The following MON2 variants were observed in gnomAD, a reference collection of about 807,000 sequenced individuals.
MON2 encodes the protein MON2 regulator of endosome-to-Golgi trafficking.
MON2 carries 84 observed loss-of-function variants against 208.6 expected under a neutral mutation model. The observed-to-expected ratio is 0.40, with a 90% CI of 0.34 to 0.48. The LOEUF is 0.48. MON2 is among the 20% of genes least tolerant of loss of function. The pLI is 0.59. For synonymous variants in MON2, 660 were observed against 694.0 expected (o/e 0.95, Z 0.77); for missense variants, 1,611 against 2,015.4 (o/e 0.80, Z 3.84).
At position 62,569,985 on chromosome 12, in the gene MON2, G is replaced by A. The variant is rs1312602927; in HGVS notation, c.4324-1407G>A. On this transcript the variant is annotated intron_variant, in intron 29 of 34. Transcript: ENST00000393630. The stretch of plus-strand genomic sequence containing the variant: ...TCTACTTTTAGACCCAAATTTTTAC[G>A]TAACAGCAGAATTTTTACTCTAATG... Among the ~76,000 whole-genome samples the A allele has an allele frequency of 3.9e-5, 6 of 152,098 alleles. No individual in the cohort carries two copies. In the East Asian group the frequency reaches 7.7e-4, roughly 19 times the overall value.
At chr12:62,521,380 A>G (rs973477029) in intron 8 of MON2, among the ~76,000 whole-genome samples, 2 of 152,182 alleles carry the variant, frequency 1.3e-5, no homozygotes, top group African/African-American at 2.4e-5. Flanking sequence ...GAATCCAATG[A>G]CACTAGTACA....
chr12:62,547,228 A>G (rs989540452), intron 22 of MON2, among the ~76,000 whole-genome samples, 156 bp downstream of exon 22: 1 of 152,210 alleles, frequency 6.6e-6, no homozygotes, highest in Non-Finnish European at 1.5e-5. Context: ...TTCCTGCTTA[A>G]GGCTAAGATC....
At chr12:62,470,638 C>A in intron 1 of MON2, 2 of 748,570 alleles carry the variant, frequency 2.7e-6, no homozygotes, top group Non-Finnish European at 3.4e-6. Context: ...AGGAAGACAA[C>A]TCTGAAGCTT....
Position 62,554,961 on chromosome 12 carries a change from A to AT in MON2, c.3211-1025dup, listed in dbSNP as rs1477183344. Among the ~76,000 whole-genome samples the AT allele has an allele frequency of 1.0e-3, 154 of 151,054 alleles. 2 individuals are homozygous for AT. The Middle Eastern group carries it at 0.021, about 20-fold the overall frequency. ...ACGCGCCCGCCACCACACCCGGCTA[A>AT]TTTTTTTTGTATTTTTAGTAGAGAC... On this transcript the variant is annotated intron_variant, in intron 24 of 34. Coordinates refer to ENST00000393630, the MANE Select transcript of MON2 (RefSeq NM_015026.3).
intron 11 of MON2, among the ~76,000 whole-genome samples, chr12:62,528,205 A>G (rs1370378890): frequency 2.6e-5 from 4 of 152,152 alleles, no homozygotes; most frequent in Non-Finnish European, 5.9e-5. Context: ...TTGAATTGGC[A>G]TCTTTTATTC....
intron 11 of MON2, among the ~76,000 whole-genome samples, chr12:62,527,405 CTGAAATATTTTAAGTTCAT>C (rs995780829): frequency 6.6e-6 from 1 of 152,118 alleles, no homozygotes; most frequent in Non-Finnish European, 1.5e-5. Flanking sequence ...TCATAGAAGA[CTGAAATATTTTAAGTTCAT>C]TGTTATTTTT....
At chr12:62,538,035 G>C in intron 16 of MON2, 61 bp from the exon 17 acceptor site, 1 of 1,444,556 alleles carries the variant, frequency 6.9e-7, no homozygotes, top group East Asian at 2.4e-5. Context: ...TTTAATTTTA[G>C]TTATTGGACC....
chr12:62,474,408 G>A (rs1046828959), intron 1 of MON2, among the ~76,000 whole-genome samples: 5 of 151,792 alleles, frequency 3.3e-5, no homozygotes, highest in African/African-American at 1.2e-4. Flanking sequence ...GTGAGCCACT[G>A]CGCCTGGCCT....
chr12:62,478,141 G>A (rs2069196820), intron 1 of MON2, among the ~76,000 whole-genome samples: 1 of 152,022 alleles, frequency 6.6e-6, no homozygotes, highest in South Asian at 2.1e-4. Flanking sequence ...GTGTGTGTGT[G>A]TGTGTATAAA....
intron 32 of MON2, among the ~76,000 whole-genome samples, chr12:62,583,975 C>CAAA (rs942616967): frequency 1.7e-5 from 2 of 119,322 alleles, no homozygotes; most frequent in African/African-American, 6.2e-5. Context: ...AAAAAAAAAA[C>CAAA]AAAAAAAAAA....
intron 20 of MON2, among the ~76,000 whole-genome samples, chr12:62,543,701 A>G (rs992767385): frequency 6.6e-6 from 1 of 151,712 alleles, no homozygotes; most frequent in African/African-American, 2.4e-5. Context: ...GCCGCCTCTC[A>G]GGTTCAGGCA....
chr12:62,582,722 T>C (rs943714318), intron 32 of MON2, among the ~76,000 whole-genome samples: 4 of 147,680 alleles, frequency 2.7e-5, no homozygotes, highest in Non-Finnish European at 6.0e-5. Flanking sequence ...TAGTTTTCAT[T>C]AAAAAAAAAA....
At chr12:62,528,107 A>G (rs1454519790) in intron 11 of MON2, among the ~76,000 whole-genome samples, 1 of 152,084 alleles carries the variant, frequency 6.6e-6, no homozygotes, top group Non-Finnish European at 1.5e-5. Flanking sequence ...ACATACTGAA[A>G]TTGCTTAATT....
In MON2 at chr12:62,532,198, G is replaced by A. The variant is rs530441044; in HGVS notation, c.1401-240G>A. On this transcript the variant is annotated intron_variant, in intron 11 of 34. Coordinates refer to ENST00000393630, the MANE Select transcript of MON2 (RefSeq NM_015026.3). ...ACATTGGCACAACTCAGGGGAGAAT[G>A]AGAAGTAAATTATTAAAATAATTAG... Among the ~76,000 whole-genome samples, 8 of 152,288 alleles carry A rather than the reference G, an allele frequency of 5.3e-5. No homozygotes were observed. In the East Asian group the frequency reaches 1.3e-3, roughly 26 times the overall value.
At chr12:62,538,387 A>T in intron 18 of MON2, 28 bp from the exon 19 acceptor site, 8 of 1,589,862 alleles carry the variant, frequency 5.0e-6, no homozygotes, top group Non-Finnish European at 6.9e-6. Flanking sequence ...TTAGATCAAG[A>T]TGTCTTATTT....
rs890298661 is a variant in MON2, at chr12:62,542,946, G to T, written c.2365-151G>T. On this transcript the variant is annotated intron_variant, in intron 19 of 34. Coordinates refer to ENST00000393630, the MANE Select transcript of MON2 (RefSeq NM_015026.3). Reference sequence around the variant, plus strand: ...AAGGTTGACAGGAAGCCTTGTCTTTGATAACTGAGGTTTTGTTATAAATAT... The same window carrying T: ...AAGGTTGACAGGAAGCCTTGTCTTTTATAACTGAGGTTTTGTTATAAATAT... 3.0e-5 allele frequency: 13 copies of T among 428,378 alleles called. No homozygotes were observed. In the East Asian group the frequency reaches 5.0e-4, roughly 17 times the overall value. The allele number at this position is 428,378 out of a possible 1,614,324, so 26.5% of individuals were successfully genotyped here.
At chr12:62,500,982 G>T in intron 6 of MON2, 102 bp downstream of exon 6, 1 of 640,636 alleles carries the variant, frequency 1.6e-6, no homozygotes, top group Non-Finnish European at 2.6e-6. Flanking sequence ...GAATTTTTTT[G>T]AAAATATGTC....
In MON2 at chr12:62,525,289, G is replaced by T. The variant is rs1308205329; in HGVS notation, c.1246+69G>T. The T allele has an allele frequency of 5.9e-6, 9 of 1,513,484 alleles. No individual in the cohort carries two copies. The Admixed American group carries it at 1.3e-4, about 22-fold the overall frequency. The allele number at this position is 1,513,484 out of a possible 1,614,324, so 93.8% of individuals were successfully genotyped here. On this transcript the variant is annotated intron_variant, in intron 10 of 34. Coordinates refer to ENST00000393630, the MANE Select transcript of MON2 (RefSeq NM_015026.3). ...GTTACAGTATTGACTGTTCTGAGAG[G>T]ATATTATGAAATTCTGTGACTAGAG...
Position 62,511,052 on chromosome 12 carries a change from C to T in MON2, c.984+2572C>T, listed in dbSNP as rs562140290. Among the ~76,000 whole-genome samples, 44 of 152,106 alleles carry T rather than the reference C, an allele frequency of 2.9e-4. No individual in the cohort carries two copies. In the South Asian group the frequency reaches 7.9e-3, roughly 27 times the overall value. ...AAAAATACTTAGGCATAAACTTAAC[C>T]AAGAAGGTGAAAGACCTATGCACTG... On this transcript the variant is annotated intron_variant, in intron 8 of 34. Transcript: ENST00000393630.
Sources: gnomAD v4.1 joint callset for allele counts (sites outside exome capture counted in the v4.1 genomes callset) on GRCh38, gnomAD v4.1.1 for gene constraint, MANE v1.5 for transcripts, NCBI Gene and HGNC (gene_info 2026-07-23, HGNC 2026-07-21) for gene names.